UNC79: variants seen among roughly 807,000 people sequenced by gnomAD.
The protein encoded by UNC79 is unc-79 subunit of NALCN channel complex, also known as protein unc-79 homolog.
UNC79 carries 37 observed loss-of-function variants against 283.1 expected under a neutral mutation model. The observed-to-expected ratio is 0.13, with a 90% CI of 0.10 to 0.17. UNC79 has a LOEUF of 0.17. Among genes scored for constraint, UNC79 ranks in the 10% least tolerant of loss-of-function variants. The pLI, the probability that UNC79 is intolerant of heterozygous loss-of-function variation, is 1.00. For synonymous variants in UNC79, 1,107 were observed against 1,200.2 expected, an observed-to-expected ratio of 0.92 and a Z score of 1.61; for missense variants, 2,272 against 3,211.1, an observed-to-expected ratio of 0.71 and a Z score of 7.07.
chr14:93,618,080 T>A (rs959348698), intron 28 of UNC79, 112 bp from the exon 30 acceptor site: 48 of 1,121,054 alleles, frequency 4.3e-5, no homozygotes, highest in Non-Finnish European at 5.6e-5. Context: ...CTCTCTCTCA[T>A]ATATATATTT....
intron 26 of UNC79, 115 bp from the exon 27 acceptor site, chr14:93,604,781 C>A: frequency 1.8e-6 from 2 of 1,100,166 alleles, no homozygotes; most frequent in South Asian, 3.1e-5. Context: ...GATGTTAATT[C>A]AAATAGAAAA....
chr14:93,370,811 C>T (rs1341367761), intron 1 of UNC79, among the ~76,000 whole-genome samples: 4 of 151,422 alleles, frequency 2.6e-5, no homozygotes, highest in Non-Finnish European at 5.9e-5. Flanking sequence ...TAATAGAAAC[C>T]CTAAAACTGA....
At chr14:93,365,551 C>T (rs972647620) in intron 1 of UNC79, among the ~76,000 whole-genome samples, 2 of 152,066 alleles carry the variant, frequency 1.3e-5, no homozygotes, top group African/African-American at 2.4e-5. Context: ...AACATATTCT[C>T]ATAGATTTGA....
chr14:93,608,958 A>G lies in UNC79; in HGVS notation c.3755-3839A>G, dbSNP rs541983898. On this transcript the variant is annotated intron_variant, in intron 26 of 48. Transcript: ENST00000555664. ...TATGTCATTTGCCTTCAAGAAGCCTATGTTCTTATTGGAGTATTAAGGCAA... is the reference window on the plus strand; with the variant it reads ...TATGTCATTTGCCTTCAAGAAGCCTGTGTTCTTATTGGAGTATTAAGGCAA... Among the ~76,000 whole-genome samples the G allele has an allele frequency of 2.7e-3, 418 of 152,306 alleles. 5 individuals are homozygous for G. Among genetic ancestry groups the G allele is most frequent in the South Asian group, 0.011 (53 of 4,832 alleles).
upstream of UNC79, among the ~76,000 whole-genome samples, chr14:93,428,791 T>G (rs2055785568): frequency 6.6e-6 from 1 of 152,158 alleles, no homozygotes; most frequent in African/African-American, 2.4e-5. Flanking sequence ...GACTATGATA[T>G]GACCATTTTT....
intron 1 of UNC79, among the ~76,000 whole-genome samples, chr14:93,375,702 G>A (rs1003275252): frequency 1.3e-5 from 2 of 152,028 alleles, no homozygotes; most frequent in Non-Finnish European, 2.9e-5. Flanking sequence ...AGAGTGGGGA[G>A]GTGCTGCATA....
At chr14:93,697,301 A>C (rs1319047754) in intron 47 of UNC79, among the ~76,000 whole-genome samples, 2 of 151,946 alleles carry the variant, frequency 1.3e-5, no homozygotes, top group Non-Finnish European at 2.9e-5. Flanking sequence ...ATGCCCAGCT[A>C]ATTTTTGTAT....
intron 27 of UNC79, among the ~76,000 whole-genome samples, chr14:93,613,497 G>GC (rs61661791): frequency 1 from 151,931 of 151,934 alleles, 75,964 homozygotes; most frequent in Non-Finnish European, 1. Flanking sequence ...CTCGCTGCAA[G>GC]TCCGCTTCCC....
At chr14:93,404,736 A>G (rs1432800534) in intron 1 of UNC79, among the ~76,000 whole-genome samples, 1 of 151,328 alleles carries the variant, frequency 6.6e-6, no homozygotes, top group Non-Finnish European at 1.5e-5. Context: ...ACATAAAAAG[A>G]TTCAACTCCT....
chr14:93,499,870 C>T (rs76405715), intron 7 of UNC79, among the ~76,000 whole-genome samples: 2,137 of 152,006 alleles, frequency 0.014, 23 homozygotes, highest in Middle Eastern at 0.037. Flanking sequence ...ATGTCAGAAA[C>T]GGGTGAGGCA....
chr14:93,412,905 G>GA (rs912069033), intron 1 of UNC79, among the ~76,000 whole-genome samples: 3 of 151,912 alleles, frequency 2.0e-5, no homozygotes, highest in African/African-American at 7.3e-5. Context: ...ACTTCAATCA[G>GA]AAAAAAATGG....
At chr14:93,638,205 C>G (rs1257931124) in intron 32 of UNC79, among the ~76,000 whole-genome samples, 3 of 152,184 alleles carry the variant, frequency 2.0e-5, no homozygotes, top group African/African-American at 7.2e-5. Flanking sequence ...ACCTATTTTT[C>G]TAGACCATGT....
At chr14:93,447,769 G>A (rs1480389522) in intron 1 of UNC79, among the ~76,000 whole-genome samples, 2 of 151,696 alleles carry the variant, frequency 1.3e-5, no homozygotes, top group East Asian at 1.9e-4. Context: ...ATTTTGCTTC[G>A]ACAGTTTTTT....
At chr14:93,381,314 T>TC (rs2054660134) in intron 1 of UNC79, among the ~76,000 whole-genome samples, 1 of 152,082 alleles carries the variant, frequency 6.6e-6, no homozygotes. Flanking sequence ...GGGTTGTGAC[T>TC]CCCCCCAGAA....
intron 1 of UNC79, among the ~76,000 whole-genome samples, chr14:93,339,308 CT>C (rs200649599): frequency 1.3e-5 from 2 of 150,706 alleles, no homozygotes; most frequent in Admixed American, 6.6e-5. Context: ...CTTTATTTTT[CT>C]TTTTTTTTGA....
intron 47 of UNC79, among the ~76,000 whole-genome samples, chr14:93,698,476 GTTTTTTTTTTTTT>G (rs71129655): frequency 3.0e-4 from 24 of 79,110 alleles, no homozygotes; most frequent in South Asian, 6.0e-4. Flanking sequence ...TTTAGTTTAG[GTTTTTTTTTTTTT>G]TTTTTTTTTT....
intron 13 of UNC79, among the ~76,000 whole-genome samples, chr14:93,541,412 A>G (rs1056125411): frequency 1.3e-5 from 2 of 152,236 alleles, no homozygotes; most frequent in African/African-American, 4.8e-5. Context: ...GAATTTACCA[A>G]TGCGGCAGAG....
chr14:93,653,181 T>C (rs2070490319), intron 35 of UNC79, among the ~76,000 whole-genome samples: 2 of 152,160 alleles, frequency 1.3e-5, no homozygotes, highest in Non-Finnish European at 2.9e-5. Context: ...AATTTGGCCC[T>C]ACTTTTGATG....
intron 2 of UNC79, among the ~76,000 whole-genome samples, chr14:93,469,710 T>C (rs2057403408): frequency 1.3e-5 from 2 of 152,092 alleles, no homozygotes; most frequent in East Asian, 3.9e-4. Flanking sequence ...TAAGACCCCA[T>C]CTCTAAAAAA....
Sources: gnomAD v4.1 joint callset for allele counts (sites outside exome capture counted in the v4.1 genomes callset) on GRCh38, gnomAD v4.1.1 for gene constraint, MANE v1.5 for transcripts, NCBI Gene and HGNC (gene_info 2026-07-23, HGNC 2026-07-21) for gene names.